XPR1: variants seen among roughly 807,000 people sequenced by gnomAD.
The protein encoded by XPR1 is solute carrier family 53 member 1.
Under a neutral mutation model 87.5 loss-of-function variants are expected in XPR1, and 28 were observed. The ratio of observed to expected loss-of-function variants is 0.32; its 90% CI spans 0.24 to 0.44. The LOEUF is 0.44. Ranked by LOEUF, XPR1 falls within the 20% of genes least tolerant of loss-of-function variation. The pLI is 1.00. For synonymous variants in XPR1, 300 were observed against 306.1 expected (o/e 0.98, Z 0.21); for missense variants, 559 against 862.3 (o/e 0.65, Z 4.41).
chr1:180,875,059 C>T (rs764288338), intron 13 of XPR1, among the ~76,000 whole-genome samples: 4 of 152,160 alleles, frequency 2.6e-5, no homozygotes, highest in Non-Finnish European at 5.9e-5. Flanking sequence ...ACATGTAGAA[C>T]ATTTACCAAA....
At chr1:180,724,315 A>T (rs1658267906) in intron 2 of XPR1, among the ~76,000 whole-genome samples, 1 of 152,200 alleles carries the variant, frequency 6.6e-6, no homozygotes, top group Non-Finnish European at 1.5e-5. Flanking sequence ...CCTTGGGCCG[A>T]TGCTATTTAT....
intron 1 of XPR1, among the ~76,000 whole-genome samples, chr1:180,670,815 C>T (rs1656144551): frequency 6.6e-6 from 1 of 152,178 alleles, no homozygotes. Flanking sequence ...ACTTCTTCAG[C>T]TGTTTGAGAA....
At chr1:180,801,038 T>C (rs1443734874) in intron 3 of XPR1, among the ~76,000 whole-genome samples, 1 of 152,212 alleles carries the variant, frequency 6.6e-6, no homozygotes, top group Non-Finnish European at 1.5e-5. Flanking sequence ...CATGATCAAT[T>C]AACCACAGCC....
chr1:180,649,670 G>A (rs1360008239), intron 1 of XPR1, among the ~76,000 whole-genome samples: 1 of 152,156 alleles, frequency 6.6e-6, no homozygotes, highest in African/African-American at 2.4e-5. Context: ...GAGTTAGATG[G>A]AGGAAGTGGG....
intron 1 of XPR1, among the ~76,000 whole-genome samples, chr1:180,671,934 A>G (rs1435141140): frequency 6.6e-6 from 1 of 152,188 alleles, no homozygotes; most frequent in Non-Finnish European, 1.5e-5. Context: ...GTTTTGACTG[A>G]GATTCTTAAT....
rs199553628 is a variant in XPR1, at chr1:180,873,950, A to G, written c.1808+8A>G. Reference sequence around the variant, plus strand: ...CCCACTTGAGGTTTTCCGGTAAGCAAACTACTGAAAAGTTTATTAAAGATT... The same window carrying G: ...CCCACTTGAGGTTTTCCGGTAAGCAGACTACTGAAAAGTTTATTAAAGATT... On this transcript the variant is annotated splice_region_variant and intron_variant, in intron 13 of 14. Coordinates refer to ENST00000367590, the MANE Select transcript of XPR1 (RefSeq NM_004736.4). 2.4e-5 allele frequency: 38 copies of G among 1,609,058 alleles called. 1 individual carries two copies. Among genetic ancestry groups the G allele is most frequent in the Non-Finnish European group, 2.7e-5 (32 of 1,178,202 alleles).
chr1:180,681,308 C>G (rs1656571234), intron 1 of XPR1, among the ~76,000 whole-genome samples: 1 of 152,140 alleles, frequency 6.6e-6, no homozygotes, highest in African/African-American at 2.4e-5. Flanking sequence ...TGAAATATCA[C>G]TGTGTACCCC....
At chr1:180,645,176 A>G (rs58263443) in intron 1 of XPR1, among the ~76,000 whole-genome samples, 3,679 of 152,316 alleles carry the variant, frequency 0.024, 153 homozygotes, top group African/African-American at 0.083. Context: ...CTCTTCTAGC[A>G]TGGACAAAGC....
At chr1:180,670,806 C>T (rs1656143841) in intron 1 of XPR1, among the ~76,000 whole-genome samples, 1 of 152,206 alleles carries the variant, frequency 6.6e-6, no homozygotes, top group Admixed American at 6.5e-5. Context: ...TAGTAACAAA[C>T]TTCTTCAGCT....
chr1:180,653,268 T>G (rs1655351145), intron 1 of XPR1, among the ~76,000 whole-genome samples: 1 of 152,126 alleles, frequency 6.6e-6, no homozygotes, highest in South Asian at 2.1e-4. Flanking sequence ...TAGAATATTG[T>G]AGAGGTAAAA....
chr1:180,635,527 A>G (rs2101890229), intron 1 of XPR1, among the ~76,000 whole-genome samples: 1 of 152,284 alleles, frequency 6.6e-6, no homozygotes, highest in Middle Eastern at 3.4e-3. Context: ...TTGGTTTCTC[A>G]GGACCCAGGA....
chr1:180,837,104 C>T (rs1436608845), intron 11 of XPR1, among the ~76,000 whole-genome samples: 1 of 152,118 alleles, frequency 6.6e-6, no homozygotes, highest in Non-Finnish European at 1.5e-5. Flanking sequence ...TAATCGCTTT[C>T]CTTCACCAAG....
intron 6 of XPR1, among the ~76,000 whole-genome samples, chr1:180,809,588 A>T (rs1047950847): frequency 6.6e-6 from 1 of 152,194 alleles, no homozygotes; most frequent in Admixed American, 6.6e-5. Flanking sequence ...TAAACATTTT[A>T]AAATTAGTTT....
At chr1:180,817,344 G>A (rs770525943) in intron 7 of XPR1, among the ~76,000 whole-genome samples, 3 of 152,078 alleles carry the variant, frequency 2.0e-5, no homozygotes, top group Non-Finnish European at 4.4e-5. Flanking sequence ...TGTACAATGT[G>A]TATAAAGTCC....
At chr1:180,802,938 A>G (rs934589074) in intron 3 of XPR1, among the ~76,000 whole-genome samples, 2 of 152,198 alleles carry the variant, frequency 1.3e-5, no homozygotes, top group South Asian at 2.1e-4. Flanking sequence ...TTGTTCCTCA[A>G]TTGATGGACA....
At position 180,805,948 on chromosome 1, in the gene XPR1, C is replaced by T; in HGVS notation, c.448-114C>T. On this transcript the variant is annotated intron_variant, in intron 4 of 14. Transcript: ENST00000367590. ...TGCTTTTATGAAAGCTTTGCCATTT[C>T]CTAGAGTACTTAATCTTTGTCCAGC... 2.7e-6 allele frequency: 3 copies of T among 1,125,574 alleles called. No homozygotes were observed. The African/African-American group carries it at 4.7e-5, about 18-fold the overall frequency. 69.7% of individuals were successfully genotyped at this position (1,125,574 alleles called of 1,614,324 possible). A position where few individuals can be genotyped will look rare whatever the true frequency, so the allele number is the denominator to read the frequency against.
intron 11 of XPR1, among the ~76,000 whole-genome samples, chr1:180,855,843 A>G (rs114626412): frequency 6.6e-6 from 1 of 152,210 alleles, no homozygotes; most frequent in Non-Finnish European, 1.5e-5. Flanking sequence ...CTACATGCTT[A>G]TTTAATCTAA....
intron 11 of XPR1, among the ~76,000 whole-genome samples, chr1:180,846,987 A>G (rs1651707762): frequency 6.6e-6 from 1 of 152,054 alleles, no homozygotes; most frequent in African/African-American, 2.4e-5. Context: ...CTCTCTAAAT[A>G]CTTTTTAGTT....
chr1:180,805,943 C>A, intron 4 of XPR1, 119 bp from the exon 5 acceptor site: 1 of 1,055,562 alleles, frequency 9.5e-7, no homozygotes, highest in Non-Finnish European at 1.3e-6. Flanking sequence ...AAAGCTTTGC[C>A]ATTTCCTAGA....
Sources: allele counts gnomAD v4.1 joint callset (sites outside exome capture counted in the v4.1 genomes callset), GRCh38; gene constraint gnomAD v4.1.1; transcripts MANE v1.5; gene names NCBI Gene and HGNC (gene_info 2026-07-23, HGNC 2026-07-21).